EPDR1: variants seen among roughly 807,000 people sequenced by gnomAD.
The protein encoded by EPDR1 is mammalian ependymin-related protein 1.
A neutral mutation model predicts 23.7 loss-of-function variants in EPDR1; 27 were observed. The observed-to-expected ratio is 1.14, with a 90% confidence interval of 0.84 to 1.57. The LOEUF (loss-of-function observed/expected upper bound fraction) is 1.57. Ranked by LOEUF, EPDR1 falls within the 40% of genes most tolerant of loss-of-function variation. The pLI is 0.00. For missense variants in EPDR1, 349 were observed against 290.4 expected (o/e 1.20, Z -1.47); for synonymous variants, 137 against 118.2 (o/e 1.16, Z -1.03).
intron 1 of EPDR1, among the ~76,000 whole-genome samples, chr7:37,947,476 C>A (rs140618129): frequency 1.0e-3 from 159 of 152,304 alleles, no homozygotes; most frequent in Non-Finnish European, 2.0e-3. Context: ...AGACAGTAAC[C>A]ATTTCTAACA....
At chr7:37,933,877 C>T (rs1323077778) in intron 1 of EPDR1, among the ~76,000 whole-genome samples, 1 of 151,924 alleles carries the variant, frequency 6.6e-6, no homozygotes, top group Non-Finnish European at 1.5e-5. Flanking sequence ...TAAGAATATT[C>T]GTTGTTTACT....
chr7:37,925,944 C>A (rs781208411), intron 1 of EPDR1, among the ~76,000 whole-genome samples: 4 of 152,184 alleles, frequency 2.6e-5, no homozygotes, highest in Admixed American at 6.5e-5. Flanking sequence ...TTTCTTCCTT[C>A]TCTTTTTCAT....
At chr7:37,937,239 A>G (rs1786071300) in intron 1 of EPDR1, among the ~76,000 whole-genome samples, 1 of 152,238 alleles carries the variant, frequency 6.6e-6, no homozygotes, top group African/African-American at 2.4e-5. Flanking sequence ...ACATAAAAAT[A>G]AACTGCAAAC....
chr7:37,948,279 G>A (rs1668327606), intron 1 of EPDR1, among the ~76,000 whole-genome samples: 1 of 152,092 alleles, frequency 6.6e-6, no homozygotes, highest in African/African-American at 2.4e-5. Flanking sequence ...GCTAAGCACA[G>A]GGTCTGGCAT....
intron 1 of EPDR1, among the ~76,000 whole-genome samples, chr7:37,922,561 T>G (rs1463361519): frequency 6.6e-6 from 1 of 152,094 alleles, no homozygotes; most frequent in African/African-American, 2.4e-5. Context: ...TCACAATAAC[T>G]TGACAGTATA....
chr7:37,924,463 C>G (rs1326793626), intron 1 of EPDR1, among the ~76,000 whole-genome samples: 1 of 152,224 alleles, frequency 6.6e-6, no homozygotes, highest in Non-Finnish European at 1.5e-5. Flanking sequence ...CTGCTCAAGT[C>G]TGTCTGAGCA....
chr7:37,928,319 T>C (rs1785857974), intron 1 of EPDR1, among the ~76,000 whole-genome samples: 1 of 152,212 alleles, frequency 6.6e-6, no homozygotes, highest in Admixed American at 6.5e-5. Flanking sequence ...ATAAATATGA[T>C]AGTCTTAGAT....
At chr7:37,941,172 T>C (rs187404302) in intron 1 of EPDR1, among the ~76,000 whole-genome samples, 17 of 152,360 alleles carry the variant, frequency 1.1e-4, no homozygotes, top group Admixed American at 1.0e-3. Context: ...TCCAGAGTGG[T>C]ACTCAATAGA....
At chr7:37,935,182 C>T (rs1786023778) in intron 1 of EPDR1, among the ~76,000 whole-genome samples, 1 of 152,066 alleles carries the variant, frequency 6.6e-6, no homozygotes, top group South Asian at 2.1e-4. Context: ...GGTAGAGGGA[C>T]TAATCAGTGT....
rs1328991290 is a variant in EPDR1, at chr7:37,920,750, C to A, written c.-190C>A. The A allele has an allele frequency of 6.2e-7, 1 of 1,609,486 alleles. No homozygotes were observed. On this transcript the variant is annotated 5_prime_UTR_variant, in exon 1 of 3. Transcript: ENST00000199448. ...ACTGGAGCCTTCCCCGGGCCCTGGTCCCGGCTACCGGGACTCGCGCGTCCG... is the reference window on the plus strand; with the variant it reads ...ACTGGAGCCTTCCCCGGGCCCTGGTACCGGCTACCGGGACTCGCGCGTCCG...
intron 1 of EPDR1, among the ~76,000 whole-genome samples, chr7:37,932,524 AG>A: frequency 6.6e-6 from 1 of 152,206 alleles, no homozygotes; most frequent in South Asian, 2.1e-4. Context: ...CCCAAATCCC[AG>A]TGAAAATAAA....
chr7:37,944,845 C>CAA (rs1489585363), intron 1 of EPDR1, among the ~76,000 whole-genome samples: 2 of 152,132 alleles, frequency 1.3e-5, no homozygotes, highest in African/African-American at 4.8e-5. Flanking sequence ...GCGATGATTT[C>CAA]AAGAAGGAAA....
intron 1 of EPDR1, among the ~76,000 whole-genome samples, chr7:37,924,881 A>G (rs1169739385): frequency 6.6e-6 from 1 of 152,234 alleles, no homozygotes; most frequent in East Asian, 1.9e-4. Flanking sequence ...CTTCATATTT[A>G]TGAGTAAGTT....
Position 37,921,774 on chromosome 7 carries a change from GT to G in EPDR1, c.269+572del, listed in dbSNP as rs199600092. 4.7e-3 allele frequency among the ~76,000 whole-genome samples: 712 copies of G among 152,214 alleles called. 11 individuals carry two copies. Among genetic ancestry groups the G allele is most frequent in the Admixed American group, 0.036 (558 of 15,296 alleles). ...TAAAATTTTGGTCTACTCCTTTTAA[GT>G]TTTTTGTTTATTTTAAAGCAAATTT... On this transcript the variant is annotated intron_variant, in intron 1 of 2. Coordinates refer to ENST00000199448, the MANE Select transcript of EPDR1 (RefSeq NM_017549.5).
intron 1 of EPDR1, among the ~76,000 whole-genome samples, chr7:37,922,270 G>A (rs927500189): frequency 2.0e-5 from 3 of 152,138 alleles, no homozygotes; most frequent in South Asian, 2.1e-4. Context: ...TATTCTAAAA[G>A]CATTTGTTCA....
In EPDR1 at chr7:37,950,537, G is replaced by C. The variant is rs1786382114; in HGVS notation, c.*141G>C. 6 of 833,834 alleles carry C rather than the reference G, an allele frequency of 7.2e-6. No individual in the cohort carries two copies. Among genetic ancestry groups the C allele is most frequent in the Non-Finnish European group, 1.1e-5 (6 of 551,876 alleles). 51.7% of individuals were successfully genotyped at this position (833,834 alleles called of 1,614,324 possible). On this transcript the variant is annotated 3_prime_UTR_variant, in exon 3 of 3. Coordinates refer to ENST00000199448, the MANE Select transcript of EPDR1 (RefSeq NM_017549.5). ...AAGATGCACATTGATGTGGGGTTTTGATGTGTCTGATTTTGACTACTCAAG... is the reference window on the plus strand; with the variant it reads ...AAGATGCACATTGATGTGGGGTTTTCATGTGTCTGATTTTGACTACTCAAG...
intron 1 of EPDR1, among the ~76,000 whole-genome samples, chr7:37,943,053 C>G (rs1373786021): frequency 6.6e-6 from 1 of 152,224 alleles, no homozygotes; most frequent in Non-Finnish European, 1.5e-5. Flanking sequence ...CCAACCTGAC[C>G]TTGCTCACAG....
chr7:37,933,399 C>A (rs1316954193), intron 1 of EPDR1, among the ~76,000 whole-genome samples: 1 of 152,100 alleles, frequency 6.6e-6, no homozygotes, highest in Non-Finnish European at 1.5e-5. Context: ...TCACTCCTTC[C>A]CCCTGTTGAG....
In EPDR1 at chr7:37,948,806, A is replaced by G. The variant is rs773008589; in HGVS notation, c.270-34A>G. On this transcript the variant is annotated intron_variant, in intron 1 of 2. Coordinates refer to ENST00000199448, the MANE Select transcript of EPDR1 (RefSeq NM_017549.5). ...AAAAGGCACGAGGATGGTAACATGA[A>G]GTCCCAAACTACTTCTTTCCATCTG... The G allele has an allele frequency of 2.2e-5, 35 of 1,571,586 alleles. No homozygotes were observed. In the Admixed American group the frequency reaches 4.2e-4, roughly 19 times the overall value.
Sources: allele counts gnomAD v4.1 joint callset (sites outside exome capture counted in the v4.1 genomes callset), GRCh38; gene constraint gnomAD v4.1.1; transcripts MANE v1.5; gene names NCBI Gene and HGNC (gene_info 2026-07-23, HGNC 2026-07-21).